The following USP34 variants were observed in gnomAD, a reference collection of about 807,000 sequenced individuals.
USP34 encodes ubiquitin carboxyl-terminal hydrolase 34.
A neutral mutation model predicts 460.3 loss-of-function variants in USP34; 70 were observed. The ratio of observed to expected loss-of-function variants is 0.15; its 90% CI spans 0.13 to 0.19. USP34 has a LOEUF of 0.19. USP34 is among the 10% of genes least tolerant of loss of function. USP34 has a pLI of 1.00. For missense variants in USP34, 3,985 were observed against 4,236.2 expected, an observed-to-expected ratio of 0.94 and a Z score of 1.65; for synonymous variants, 1,647 against 1,405.3, an observed-to-expected ratio of 1.17 and a Z score of -3.85.
chr2:61,242,454 TACATACAC>T (rs1268235317), intron 51 of USP34, among the ~76,000 whole-genome samples: 3 of 67,514 alleles, frequency 4.4e-5, no homozygotes, highest in East Asian at 4.3e-4. Flanking sequence ...CCAAAGATAA[TACATACAC>T]ACACACACAC....
chr2:61,283,036 A>G, intron 37 of USP34, 109 bp downstream of exon 37: 5 of 1,139,712 alleles, frequency 4.4e-6, no homozygotes, highest in East Asian at 2.4e-5. Flanking sequence ...ATAATGTGAT[A>G]TATTTATGGA....
rs1377048216 is a variant in USP34, at chr2:61,353,499, C to T, written c.1252-2806G>A. On this transcript the variant is annotated intron_variant, in intron 10 of 79. Transcript: ENST00000398571. ...GTGTGCCTCCCAGGTTCAAGTGATT[C>T]TCATGCCTCAGCCTCCCAAGTAGCT... 2.0e-5 allele frequency among the ~76,000 whole-genome samples: 3 copies of T among 150,668 alleles called. No homozygotes were observed. The East Asian group carries it at 5.9e-4, about 29-fold the overall frequency.
intron 2 of USP34, among the ~76,000 whole-genome samples, chr2:61,411,582 T>C (rs1344951372): frequency 6.6e-6 from 1 of 152,214 alleles, no homozygotes; most frequent in Non-Finnish European, 1.5e-5. Flanking sequence ...CGAGTTACTA[T>C]TTGTCCCTTT....
intron 75 of USP34, among the ~76,000 whole-genome samples, chr2:61,197,783 A>G (rs975346692): frequency 6.6e-6 from 1 of 152,056 alleles, no homozygotes; most frequent in African/African-American, 2.4e-5. Flanking sequence ...TGGGGGGAAC[A>G]GAGTCTCACT....
At chr2:61,317,798 A>C (rs1343058591) in intron 22 of USP34, 31 bp from the exon 23 acceptor site, 1 of 1,518,756 alleles carries the variant, frequency 6.6e-7, no homozygotes, top group Non-Finnish European at 9.1e-7. Context: ...ACACAAAGCT[A>C]ATTTAGTGTG....
At chr2:61,243,048 G>GC (rs1688316762) in intron 51 of USP34, among the ~76,000 whole-genome samples, 1 of 151,980 alleles carries the variant, frequency 6.6e-6, no homozygotes, top group African/African-American at 2.4e-5. Context: ...GTTTCACCAT[G>GC]TTGGCCAGGA....
rs772590152 is a variant in USP34, at chr2:61,227,084, T to C, written c.7578A>G (p.Glu2526=). ...CATTTCACCTTTCTGATCGAGACTG[T>C]TCAACCAAAAGAGCAACTAAAGCTA... ...KMIALVALLV[E]QSRSERHLTL... is the part of the protein sequence containing the mutation. The change falls in exon 62 of 80, where the codon GAA becomes GAG. Residue 2526 remains glutamate (E), a synonymous_variant. Coordinates refer to ENST00000398571, the MANE Select transcript of USP34 (RefSeq NM_014709.4). 6.2e-7 allele frequency: 1 copy of C among 1,610,810 alleles called. No homozygotes were observed. The highest frequency in any genetic ancestry group is 2.2e-5 in the East Asian group (1 of 44,828).
intron 11 of USP34, 83 bp downstream of exon 11, chr2:61,350,485 A>T: frequency 6.4e-7 from 1 of 1,563,210 alleles, no homozygotes; most frequent in South Asian, 1.2e-5. Flanking sequence ...AAGACAATAA[A>T]ATGAAAGTTA....
At chr2:61,432,114 G>C (rs1224275701) in intron 1 of USP34, among the ~76,000 whole-genome samples, 2 of 151,662 alleles carry the variant, frequency 1.3e-5, no homozygotes, top group African/African-American at 4.8e-5. Flanking sequence ...GCCAAGGCAA[G>C]ATTTGCTTGG....
chr2:61,229,552 C>G lies in USP34; in HGVS notation c.7195G>C (p.Asp2399His). The G allele has an allele frequency of 6.3e-7, 1 of 1,593,728 alleles. No homozygotes were observed. Among genetic ancestry groups the G allele is most frequent in the Non-Finnish European group, 8.6e-7 (1 of 1,168,520 alleles). Residue 2399 changes from aspartate to histidine, a missense_variant, in exon 59 of 80, where the codon GAT becomes CAT. Physicochemically the swap from Asp to His is moderately conservative, Grantham distance 81. Around this residue, in one of 14 missense-constraint regions of USP34, gnomAD observed 604 missense variants for 684.8 expected, o/e 0.88. Coordinates refer to ENST00000398571, the MANE Select transcript of USP34 (RefSeq NM_014709.4). ...TATTCAAAAAGTACTTCTTACCCAT[C>G]TTCCATTCCTGGCTGCAAATAGAGA... ...AHLYLQPGME[D>H]GSDDMDTSVE... is the part of the protein sequence containing the mutation.
At chr2:61,298,174 CTA>C (rs1302943229) in intron 29 of USP34, among the ~76,000 whole-genome samples, 1 of 151,620 alleles carries the variant, frequency 6.6e-6, no homozygotes, top group African/African-American at 2.4e-5. Context: ...AGGGCCAAAC[CTA>C]TCTTATTCAG....
At chr2:61,427,795 A>G (rs761316735) in intron 1 of USP34, among the ~76,000 whole-genome samples, 1 of 152,220 alleles carries the variant, frequency 6.6e-6, no homozygotes, top group Non-Finnish European at 1.5e-5. Flanking sequence ...GTCAGGAGAA[A>G]AAAGAAAACG....
intron 76 of USP34, 120 bp from the exon 77 acceptor site, chr2:61,190,778 T>G (rs1291400915): frequency 1.0e-5 from 13 of 1,288,602 alleles, no homozygotes; most frequent in Non-Finnish European, 1.2e-5. Context: ...CCACTGAAAA[T>G]CCTACTTGAA....
rs1424043051 is a variant in USP34 at position 61,278,391 on chromosome 2, C to T, written c.5309G>A (p.Arg1770Gln). 6 of 1,607,558 alleles carry T rather than the reference C, an allele frequency of 3.7e-6. No individual in the cohort carries two copies. Among genetic ancestry groups the T allele is most frequent in the African/African-American group, 1.3e-5 (1 of 74,584 alleles). ...ALARHLADCI[R>Q]SREILDHQDG... is the part of the protein sequence containing the mutation. Reference sequence around the variant, plus strand: ...TCAATTTCACATCAAATTTTACCTTCGAATACAGTCAGCCAAATGTCTTGC... The same window carrying T: ...TCAATTTCACATCAAATTTTACCTTTGAATACAGTCAGCCAAATGTCTTGC... Residue 1770 changes from arginine (R) to glutamine (Q), a missense_variant, in exon 40 of 80, where the codon CGA becomes CAA. Physicochemically the swap from Arg to Gln is conservative, Grantham distance 43 (BLOSUM62 1). Around this residue, in one of 14 missense-constraint regions of USP34, gnomAD observed 1,114 missense variants for 1,122.5 expected, o/e 0.99. Coordinates refer to ENST00000398571, the MANE Select transcript of USP34 (RefSeq NM_014709.4).
At chr2:61,423,312 A>G (rs992539451) in intron 1 of USP34, among the ~76,000 whole-genome samples, 1 of 152,018 alleles carries the variant, frequency 6.6e-6, no homozygotes, top group African/African-American at 2.4e-5. Context: ...GAGTTTCACC[A>G]TGATGGCCAG....
intron 57 of USP34, among the ~76,000 whole-genome samples, chr2:61,233,477 A>AT (rs983249728): frequency 2.6e-5 from 4 of 151,750 alleles, no homozygotes; most frequent in East Asian, 3.9e-4. Context: ...TCAACTGAAA[A>AT]TTTTTTTTTG....
intron 51 of USP34, among the ~76,000 whole-genome samples, chr2:61,243,768 G>C (rs1382093269): frequency 3.3e-5 from 5 of 151,614 alleles, no homozygotes; most frequent in Admixed American, 2.0e-4. Flanking sequence ...CTATTCGGGA[G>C]GCCGAGGCAG....
At chr2:61,373,635 A>G (rs1692698899) in intron 8 of USP34, among the ~76,000 whole-genome samples, 1 of 152,248 alleles carries the variant, frequency 6.6e-6, no homozygotes. Flanking sequence ...ACATGAAGCA[A>G]AAACTGATGA....
intron 2 of USP34, among the ~76,000 whole-genome samples, chr2:61,415,889 A>C (rs565690702): frequency 1.3e-5 from 2 of 152,220 alleles, no homozygotes; most frequent in African/African-American, 4.8e-5. Flanking sequence ...GCAATGATAA[A>C]AATTTCTAAA....
Sources: allele counts gnomAD v4.1 joint callset (sites outside exome capture counted in the v4.1 genomes callset), GRCh38; gene constraint gnomAD v4.1.1; regional missense constraint gnomAD v4.1.1; transcripts MANE v1.5; gene names NCBI Gene and HGNC (gene_info 2026-07-23, HGNC 2026-07-21).